EML6: variants seen among roughly 807,000 people sequenced by gnomAD.
EML6 encodes the protein echinoderm microtubule-associated protein-like 6.
Under a neutral mutation model 240.1 loss-of-function variants are expected in EML6, and 154 were observed. The observed-to-expected ratio is 0.64, with a 90% confidence interval of 0.56 to 0.73. The LOEUF (loss-of-function observed/expected upper bound fraction) is 0.73. Among genes scored for constraint, EML6 ranks in the 30% least tolerant of loss-of-function variants. The pLI is 0.00. For synonymous variants in EML6, 1,148 were observed against 899.0 expected, an observed-to-expected ratio of 1.28 and a Z score of -4.95; for missense variants, 2,964 against 2,474.6, an observed-to-expected ratio of 1.20 and a Z score of -4.20.
chr2:54,954,268 G>A (rs1406354030), intron 32 of EML6, 112 bp downstream of exon 32: 2 of 958,702 alleles, frequency 2.1e-6, no homozygotes, highest in Admixed American at 2.9e-5. Context: ...GGCACTGACT[G>A]CTGCTGGGCA....
intron 15 of EML6, among the ~76,000 whole-genome samples, chr2:54,870,507 A>T (rs1242958023): frequency 6.6e-6 from 1 of 152,166 alleles, no homozygotes; most frequent in Non-Finnish European, 1.5e-5. Context: ...TTTATACATG[A>T]ATTTGCTGTC....
chr2:54,856,301 A>G (rs889496601), intron 11 of EML6, among the ~76,000 whole-genome samples: 3 of 152,300 alleles, frequency 2.0e-5, no homozygotes, highest in African/African-American at 7.2e-5. Context: ...GCCTTGCTCA[A>G]TGACAATTTT....
chr2:54,967,561 G>A (rs1254746746), intron 39 of EML6, among the ~76,000 whole-genome samples: 2 of 152,144 alleles, frequency 1.3e-5, no homozygotes, highest in Non-Finnish European at 2.9e-5. Context: ...TATTCAAGAG[G>A]ACCACAGGGA....
intron 28 of EML6, among the ~76,000 whole-genome samples, chr2:54,944,502 T>C (rs1675583387): frequency 6.6e-6 from 1 of 152,196 alleles, no homozygotes; most frequent in Admixed American, 6.5e-5. Flanking sequence ...TCTTGGATCA[T>C]CACAGTGGCC....
intron 3 of EML6, among the ~76,000 whole-genome samples, chr2:54,815,980 C>A (rs986198336): frequency 6.6e-6 from 1 of 152,128 alleles, no homozygotes; most frequent in African/African-American, 2.4e-5. Flanking sequence ...ATTTTTTATA[C>A]CCATTGTACA....
At chr2:54,885,582 C>G (rs943180828) in intron 17 of EML6, among the ~76,000 whole-genome samples, 3 of 152,076 alleles carry the variant, frequency 2.0e-5, no homozygotes, top group Non-Finnish European at 4.4e-5. Flanking sequence ...AGTAATGTAT[C>G]CTAGCTCCAA....
intron 2 of EML6, among the ~76,000 whole-genome samples, chr2:54,768,044 C>G (rs1229282616): frequency 1.3e-5 from 2 of 152,120 alleles, no homozygotes; most frequent in Non-Finnish European, 2.9e-5. Flanking sequence ...AAGTTTCTTT[C>G]ATTGGTTCAG....
rs567417220 is a variant in EML6 at position 54,795,231 on chromosome 2, C to G, written c.198-18001C>G. On this transcript the variant is annotated intron_variant, in intron 2 of 41. Transcript: ENST00000356458. ...CACACTTCAGCATGGGTGGGGAGGC[C>G]TCAGAAAACTTAGAATCATGGCAGA... Among the ~76,000 whole-genome samples, 4 of 152,032 alleles carry G rather than the reference C, an allele frequency of 2.6e-5. No homozygotes were observed. In the South Asian group the frequency reaches 8.3e-4, roughly 32 times the overall value.
intron 6 of EML6, 77 bp downstream of exon 6, chr2:54,827,828 C>T (rs774317175): frequency 4.6e-5 from 48 of 1,043,046 alleles, no homozygotes; most frequent in Admixed American, 8.9e-5. Context: ...TGTATGTTTC[C>T]CTTCTTGCTT....
intron 26 of EML6, among the ~76,000 whole-genome samples, chr2:54,920,567 C>A (rs142923241): frequency 1.1e-3 from 166 of 152,104 alleles, no homozygotes; most frequent in African/African-American, 3.9e-3. Context: ...GTGATTTCTC[C>A]CAAGTATTTA....
intron 16 of EML6, among the ~76,000 whole-genome samples, chr2:54,875,876 C>T (rs912076422): frequency 2.0e-5 from 3 of 152,124 alleles, no homozygotes; most frequent in African/African-American, 7.2e-5. Flanking sequence ...TAAATATCAA[C>T]CATATAATTT....
intron 24 of EML6, among the ~76,000 whole-genome samples, chr2:54,907,934 AG>A (rs1673419171): frequency 5.8e-5 from 3 of 52,160 alleles, no homozygotes; most frequent in Non-Finnish European, 9.2e-5. Context: ...ATAGATAGAT[AG>A]ATAGATAGAT....
chr2:54,904,756 C>T (rs887459203), intron 24 of EML6, among the ~76,000 whole-genome samples: 1 of 152,162 alleles, frequency 6.6e-6, no homozygotes, highest in South Asian at 2.1e-4. Flanking sequence ...GGGGCATTCC[C>T]TCCCATCTTG....
chr2:54,903,465 T>A lies in EML6; in HGVS notation c.3372T>A (p.Ala1124=), dbSNP rs533897562. ...AAAGGGTTGGCATCTGTAAAGGTGC[T>A]TCTAGTTATATTACACACATTGACT... ...TSKRVGICKG[A]SSYITHIDWD... The change falls in exon 24 of 42, where the codon GCT becomes GCA. Residue 1124 remains alanine, a synonymous_variant. Transcript: ENST00000356458. 1 of 1,551,994 alleles carries A rather than the reference T, an allele frequency of 6.4e-7. No homozygotes were observed. Among genetic ancestry groups the A allele is most frequent in the East Asian group, 2.4e-5 (1 of 40,898 alleles).
At chr2:54,814,704 C>T (rs932225922) in intron 3 of EML6, among the ~76,000 whole-genome samples, 2 of 152,166 alleles carry the variant, frequency 1.3e-5, no homozygotes, top group Admixed American at 6.5e-5. Context: ...AGGAGTTGAC[C>T]TGGGTTGAGT....
At chr2:54,859,084 G>A (rs1670539959) in intron 11 of EML6, among the ~76,000 whole-genome samples, 1 of 152,198 alleles carries the variant, frequency 6.6e-6, no homozygotes, top group South Asian at 2.1e-4. Context: ...ACTGAGTAAA[G>A]CAACCAGTTT....
At chr2:54,889,016 C>T (rs1001519823) in intron 17 of EML6, among the ~76,000 whole-genome samples, 8 of 152,198 alleles carry the variant, frequency 5.3e-5, no homozygotes, top group Non-Finnish European at 1.0e-4. Flanking sequence ...ACAGACTAGC[C>T]AGCATTTGGC....
At chr2:54,747,513 A>G (rs1683964933) in intron 2 of EML6, 1 of 152,230 alleles carries the variant, frequency 6.6e-6, no homozygotes, top group Admixed American at 6.5e-5. Flanking sequence ...ACTAAAAACA[A>G]ACTCATTAAC....
At chr2:54,751,409 C>G (rs1316932041) in intron 2 of EML6, among the ~76,000 whole-genome samples, 1 of 151,892 alleles carries the variant, frequency 6.6e-6, no homozygotes. Flanking sequence ...CCTTTGAATA[C>G]TGAGCAGAAG....
Sources: gnomAD v4.1 joint callset for allele counts (sites outside exome capture counted in the v4.1 genomes callset) on GRCh38, gnomAD v4.1.1 for gene constraint, MANE v1.5 for transcripts, NCBI Gene and HGNC (gene_info 2026-07-23, HGNC 2026-07-21) for gene names.